TRIM56: variants seen among roughly 807,000 people sequenced by gnomAD.
TRIM56 encodes the protein tripartite motif containing 56, also known as E3 ubiquitin-protein ligase TRIM56.
In TRIM56, 10 loss-of-function variants were observed where a neutral mutation model predicts 17.1. The ratio of observed to expected loss-of-function variants is 0.58; its 90% CI spans 0.36 to 0.99. The LOEUF (loss-of-function observed/expected upper bound fraction) is 0.99. TRIM56 is among the 50% of genes least tolerant of loss of function. The pLI is 0.01. For synonymous variants in TRIM56, 503 were observed against 473.5 expected, an observed-to-expected ratio of 1.06 and a Z score of -0.81; for missense variants, 923 against 1,052.3, an observed-to-expected ratio of 0.88 and a Z score of 1.70.
At position 101,088,019 on chromosome 7, in the gene TRIM56, T is replaced by C. The variant is rs1188841948; in HGVS notation, c.707T>C (p.Val236Ala). 11 of 1,566,826 alleles carry C rather than the reference T, an allele frequency of 7.0e-6. No homozygotes were observed. In the Admixed American group the frequency reaches 1.5e-4, roughly 21 times the overall value. ...GTGGAGCTGGAGGCAGCGCGGAGGG[T>C]GGAGAAGGAGGCGCTAGCCCGGCTG... ...NLVELEAARR[V>A]EKEALARLRE... The change falls in exon 3 of 3, where the codon GTG (valine) becomes GCG (alanine). Residue 236 changes from valine to alanine, a missense_variant. Physicochemically the swap from Val to Ala is moderately conservative, Grantham distance 64. Around this residue, in one of 3 missense-constraint regions of TRIM56, gnomAD observed 643 missense variants for 665.6 expected, o/e 0.97. Transcript: ENST00000306085.
rs528598191 is a variant in TRIM56 at position 101,088,045 on chromosome 7, C to T, written c.733C>T (p.Arg245Trp). The T allele has an allele frequency of 1.0e-5, 16 of 1,536,080 alleles. No individual in the cohort carries two copies. The highest frequency in any genetic ancestry group is 2.4e-5 in the East Asian group (1 of 41,718). Residue 245 changes from arginine to tryptophan, a missense_variant, in exon 3 of 3, where the codon CGG (arginine) becomes TGG (tryptophan). By Grantham distance (101) the Arg-to-Trp change is moderately radical. Around this residue, in one of 3 missense-constraint regions of TRIM56, gnomAD observed 643 missense variants for 665.6 expected, o/e 0.97. Transcript: ENST00000306085. ...RVEKEALARL[R>W]EQAARVGTQV... is the part of the protein sequence containing the mutation. ...GGAGAAGGAGGCGCTAGCCCGGCTG[C>T]GGGAGCAGGCGGCCCGGGTGGGGAC...
Position 101,092,083 on chromosome 7 carries a change from C to A in TRIM56, c.*2503C>A. The A allele has an allele frequency of 3.3e-6, 1 of 301,710 alleles. No individual in the cohort carries two copies. Among genetic ancestry groups the A allele is most frequent in the East Asian group, 1.3e-4 (1 of 7,528 alleles). 18.7% of individuals were successfully genotyped at this position (301,710 alleles called of 1,614,324 possible). A position where few individuals can be genotyped will look rare whatever the true frequency, so the allele number is the denominator to read the frequency against. Reference sequence around the variant, plus strand: ...GGGATTGCAGACGGAGTCTCGTTCACTCGGTGCTCAATGTTGCCCAGGCTG... The same window carrying A: ...GGGATTGCAGACGGAGTCTCGTTCAATCGGTGCTCAATGTTGCCCAGGCTG... On this transcript the variant is annotated 3_prime_UTR_variant, in exon 3 of 3. Coordinates refer to ENST00000306085, the MANE Select transcript of TRIM56 (RefSeq NM_030961.3).
In TRIM56 at chr7:101,091,605, T is replaced by C. The variant is rs866379587; in HGVS notation, c.*2025T>C. On this transcript the variant is annotated 3_prime_UTR_variant, in exon 3 of 3. Coordinates refer to ENST00000306085, the MANE Select transcript of TRIM56 (RefSeq NM_030961.3). ...AGCTAGGCGTGGGAGCGGGCGTCTG[T>C]AATCCCAGCTACTTGGGAGGCTGAG... is the stretch of plus-strand genomic sequence containing the variant. 2 of 380,716 alleles carry C rather than the reference T, an allele frequency of 5.3e-6. No individual in the cohort carries two copies. Among genetic ancestry groups the C allele is most frequent in the Middle Eastern group, 9.2e-4 (1 of 1,090 alleles). 23.6% of individuals were successfully genotyped at this position (380,716 alleles called of 1,614,324 possible).
chr7:101,087,426 T>A lies in TRIM56; in HGVS notation c.114T>A (p.His38Gln). 6.2e-7 allele frequency: 1 copy of A among 1,613,158 alleles called. No homozygotes were observed. The change falls in exon 3 of 3, where the codon CAT becomes CAA. Residue 38 changes from histidine (H) to glutamine (Q), a missense_variant. This residue lies in a region of TRIM56 where 98 missense variants were observed against 143.6 expected (regional missense o/e 0.68). Coordinates refer to ENST00000306085, the MANE Select transcript of TRIM56 (RefSeq NM_030961.3). ...CACCCAAGACACTGCCCTGCCTGCA[T>A]ACCTACTGCCAAGACTGCCTGGCAC... is the stretch of plus-strand genomic sequence containing the variant. ...LRAPKTLPCL[H>Q]TYCQDCLAQL...
At position 101,092,667 on chromosome 7, in the gene TRIM56, A is replaced by G; in HGVS notation, c.*3087A>G. 1 of 135,814 alleles carries G rather than the reference A, an allele frequency of 7.4e-6. No homozygotes were observed. The highest frequency in any genetic ancestry group is 2.3e-4 in the South Asian group (1 of 4,270). 8.4% of individuals were successfully genotyped at this position (135,814 alleles called of 1,614,324 possible). A position where few individuals can be genotyped will look rare whatever the true frequency, so the allele number is the denominator to read the frequency against. ...CGGCCAGCCGCGCCTTCCGGGAGGG[A>G]GGTGGGGGATCAGTCCCCGCCCGGC... On this transcript the variant is annotated 3_prime_UTR_variant, in exon 3 of 3. Coordinates refer to ENST00000306085, the MANE Select transcript of TRIM56 (RefSeq NM_030961.3).
chr7:101,089,089 G>A lies in TRIM56; in HGVS notation c.1777G>A (p.Ala593Thr), dbSNP rs200782863. 42 of 1,598,660 alleles carry A rather than the reference G, an allele frequency of 2.6e-5. No homozygotes were observed. Among genetic ancestry groups the A allele is most frequent in the East Asian group, 1.6e-4 (7 of 44,654 alleles). ...RALSLSQASH[A>T]VAALPSGDRV... ...CCTGAGCCTCTCCCAGGCCAGCCAC[G>A]CGGTGGCGGCACTGCCTAGCGGGGA... Residue 593 changes from alanine (A) to threonine (T), a missense_variant, in exon 3 of 3, where the codon GCG (alanine) becomes ACG (threonine). Physicochemically the swap from Ala to Thr is moderately conservative, Grantham distance 58. Around this residue, in one of 3 missense-constraint regions of TRIM56, gnomAD observed 182 missense variants for 243.1 expected, o/e 0.75. Transcript: ENST00000306085.
Position 101,092,749 on chromosome 7 carries a change from C to G in TRIM56, c.*3169C>G, listed in dbSNP as rs1795597221. 7.1e-6 allele frequency: 1 copy of G among 141,194 alleles called. No homozygotes were observed. The highest frequency in any genetic ancestry group is 2.4e-4 in the South Asian group (1 of 4,170). The allele number at this position is 141,194 out of a possible 1,614,324, so 8.7% of individuals were successfully genotyped here. ...CGCCTCCGCCCGGCCGCTGTCCCGT[C>G]CGGGAGGTGGGGGGTCGCCTCTGCC... On this transcript the variant is annotated 3_prime_UTR_variant, in exon 3 of 3. Transcript: ENST00000306085.
chr7:101,089,407 G>T lies in TRIM56; in HGVS notation c.2095G>T (p.Val699Phe). ...KGYIFLTLREVNKVVILDPKG... is the reference protein window; with the variant it reads ...KGYIFLTLREFNKVVILDPKG... ...CTACATCTTTCTGACCCTTCGAGAA[G>T]TCAACAAGGTGGTGATCCTGGACCC... Residue 699 changes from valine (V) to phenylalanine (F), a missense_variant, in exon 3 of 3, where the codon GTC becomes TTC. Physicochemically the swap from Val to Phe is conservative, Grantham distance 50. Around this residue, in one of 3 missense-constraint regions of TRIM56, gnomAD observed 182 missense variants for 243.1 expected, o/e 0.75. Coordinates refer to ENST00000306085, the MANE Select transcript of TRIM56 (RefSeq NM_030961.3). 6.2e-7 allele frequency: 1 copy of T among 1,614,146 alleles called. No individual in the cohort carries two copies. The highest frequency in any genetic ancestry group is 8.5e-7 in the Non-Finnish European group (1 of 1,179,978).
rs1386588236 is a variant in TRIM56 at position 101,096,324 on chromosome 7, G to C, written c.*6744G>C. 1.3e-5 allele frequency: 2 copies of C among 152,244 alleles called. No individual in the cohort carries two copies. Among genetic ancestry groups the C allele is most frequent in the African/African-American group, 2.4e-5 (1 of 41,452 alleles). The allele number at this position is 152,244 out of a possible 1,614,324, so 9.4% of individuals were successfully genotyped here. A position where few individuals can be genotyped will look rare whatever the true frequency, so the allele number is the denominator to read the frequency against. On this transcript the variant is annotated 3_prime_UTR_variant, in exon 3 of 3. Coordinates refer to ENST00000306085, the MANE Select transcript of TRIM56 (RefSeq NM_030961.3). The stretch of plus-strand genomic sequence containing the variant: ...ATTGTTCCTTTTCCTGTTCGGAACT[G>C]ACTAGGTTGTGCGTGGATGGACCAG...
At chr7:101,086,180 G>C (rs1008961663) in intron 1 of TRIM56, among the ~76,000 whole-genome samples, 2 of 152,194 alleles carry the variant, frequency 1.3e-5, no homozygotes, top group African/African-American at 4.8e-5. Flanking sequence ...CGAGACGGGA[G>C]GATAGCCTGA....
In TRIM56 at chr7:101,087,751, G is replaced by T; in HGVS notation, c.439G>T (p.Val147Leu). The change falls in exon 3 of 3, where the codon GTG becomes TTG. Residue 147 changes from valine to leucine, a missense_variant. Coordinates refer to ENST00000306085, the MANE Select transcript of TRIM56 (RefSeq NM_030961.3). ...CTRQTHTHRV[V>L]DLVGYRAGWY... Reference sequence around the variant, plus strand: ...CCGCCAGACCCACACCCACCGCGTGGTGGACCTGGTGGGCTACAGGGCCGG... The same window carrying T: ...CCGCCAGACCCACACCCACCGCGTGTTGGACCTGGTGGGCTACAGGGCCGG... The T allele has an allele frequency of 1.9e-6, 3 of 1,605,164 alleles. No homozygotes were observed. The highest frequency in any genetic ancestry group is 2.5e-6 in the Non-Finnish European group (3 of 1,177,224).
rs1795612075 is a variant in TRIM56 at position 101,093,456 on chromosome 7, G to C, written c.*3876G>C. ...ATGACTAGAACAGTATTTGGTCAAA[G>C]AACCACATAAGCTCTGTACCCTGGA... On this transcript the variant is annotated 3_prime_UTR_variant, in exon 3 of 3. Transcript: ENST00000306085. 6.7e-6 allele frequency: 1 copy of C among 150,206 alleles called. No individual in the cohort carries two copies. Among genetic ancestry groups the C allele is most frequent in the South Asian group, 2.1e-4 (1 of 4,772 alleles). 9.3% of individuals were successfully genotyped at this position (150,206 alleles called of 1,614,324 possible).
chr7:101,085,985 G>A (rs1435455469), intron 1 of TRIM56, among the ~76,000 whole-genome samples: 2 of 152,200 alleles, frequency 1.3e-5, no homozygotes, highest in Non-Finnish European at 2.9e-5. Context: ...AGCCAGCAGC[G>A]GGAAGGGGAC....
chr7:101,089,143 G>T lies in TRIM56; in HGVS notation c.1831G>T (p.Val611Leu), dbSNP rs200430251. 6.0e-5 allele frequency: 97 copies of T among 1,609,208 alleles called. No homozygotes were observed. The African/African-American group carries it at 1.1e-3, about 18-fold the overall frequency. The part of the protein sequence containing the change: ...DRVAVSVAGH[V>L]EVYNMEGSLA... ...CGTGGCTGTCAGCGTGGCGGGCCAC[G>T]TGGAGGTGTACAATATGGAAGGCAG... The change falls in exon 3 of 3, where the codon GTG becomes TTG. Residue 611 changes from valine (V) to leucine (L), a missense_variant. This residue lies in a region of TRIM56 where 182 missense variants were observed against 243.1 expected (regional missense o/e 0.75). Coordinates refer to ENST00000306085, the MANE Select transcript of TRIM56 (RefSeq NM_030961.3).
rs1268582339 is a variant in TRIM56, at chr7:101,094,213, TAC to T, written c.*4635_*4636del. 1 of 152,206 alleles carries T rather than the reference TAC, an allele frequency of 6.6e-6. No homozygotes were observed. Among genetic ancestry groups the T allele is most frequent in the East Asian group, 1.9e-4 (1 of 5,194 alleles). 9.4% of individuals were successfully genotyped at this position (152,206 alleles called of 1,614,324 possible). ...CTATTGAGAAGAAATAGTTACGTGATACAGTCATAATCCTCAAAAACGGAGAA... is the reference window on the plus strand; with the variant it reads ...CTATTGAGAAGAAATAGTTACGTGATAGTCATAATCCTCAAAAACGGAGAA... On this transcript the variant is annotated 3_prime_UTR_variant, in exon 3 of 3. Transcript: ENST00000306085.
chr7:101,088,779 C>T lies in TRIM56; in HGVS notation c.1467C>T (p.Pro489=), dbSNP rs997962464. The part of the protein sequence containing the change: ...GPNLDGSGLL[P]RPIFYCSFPT... ...ATCTGGACGGCTCTGGCCTCCTCCC[C>T]AGACCCATCTTTTACTGCAGTTTCC... is the stretch of plus-strand genomic sequence containing the variant. The change falls in exon 3 of 3, where the codon CCC becomes CCT. Residue 489 remains proline, a synonymous_variant. Transcript: ENST00000306085. The T allele has an allele frequency of 1.2e-5, 20 of 1,613,854 alleles. No individual in the cohort carries two copies. Among genetic ancestry groups the T allele is most frequent in the Non-Finnish European group, 1.6e-5 (19 of 1,180,050 alleles).
rs770607707 is a variant in TRIM56, at chr7:101,087,460, G to C, written c.148G>C (p.Asp50His). The change falls in exon 3 of 3, where the codon GAT (aspartate) becomes CAT (histidine). Residue 50 changes from aspartate to histidine, a missense_variant. Asp to His is a moderately conservative substitution (Grantham distance 81). Coordinates refer to ENST00000306085, the MANE Select transcript of TRIM56 (RefSeq NM_030961.3). ...CCAAGACTGCCTGGCACAGCTGGCG[G>C]ATGGCGGCCGCGTCCGCTGCCCCGA... ...YCQDCLAQLA[D>H]GGRVRCPECR... The C allele has an allele frequency of 1.2e-6, 2 of 1,613,222 alleles. No individual in the cohort carries two copies. Among genetic ancestry groups the C allele is most frequent in the African/African-American group, 2.7e-5 (2 of 74,950 alleles).
At position 101,091,767 on chromosome 7, in the gene TRIM56, T is replaced by C; in HGVS notation, c.*2187T>C. The C allele has an allele frequency of 2.2e-6, 1 of 444,484 alleles. No individual in the cohort carries two copies. The highest frequency in any genetic ancestry group is 4.5e-6 in the Non-Finnish European group (1 of 224,454). 27.5% of individuals were successfully genotyped at this position (444,484 alleles called of 1,614,324 possible). A position where few individuals can be genotyped will look rare whatever the true frequency, so the allele number is the denominator to read the frequency against. ...AGAAAAGAAAGAAAACCAAGGTCCC[T>C]CTCCCTCTCCCTCTCCCCACGGTCT... On this transcript the variant is annotated 3_prime_UTR_variant, in exon 3 of 3. Transcript: ENST00000306085.
chr7:101,087,225 G>T, intron 2 of TRIM56, 57 bp downstream of exon 2: 1 of 1,283,768 alleles, frequency 7.8e-7, no homozygotes. Context: ...CTGGGGATCC[G>T]TGGGGCTTGA....
Sources: gnomAD v4.1 joint callset for allele counts (sites outside exome capture counted in the v4.1 genomes callset) on GRCh38, gnomAD v4.1.1 for gene constraint, gnomAD v4.1.1 regional missense constraint, MANE v1.5 for transcripts, NCBI Gene and HGNC (gene_info 2026-07-23, HGNC 2026-07-21) for gene names.